The following KCNK2 variants were observed in gnomAD, a reference collection of about 807,000 sequenced individuals.
KCNK2 encodes the protein potassium channel subfamily K member 2.
In KCNK2, 21 loss-of-function variants were observed where a neutral mutation model predicts 40.5. The observed-to-expected ratio is 0.52, with a 90% CI of 0.37 to 0.75. KCNK2 has a LOEUF of 0.75. Ranked by LOEUF, KCNK2 falls within the 30% of genes least tolerant of loss-of-function variation. KCNK2 has a pLI of 0.00. For missense variants in KCNK2, 399 were observed against 531.6 expected, an observed-to-expected ratio of 0.75 and a Z score of 2.45; for synonymous variants, 191 against 202.2, an observed-to-expected ratio of 0.94 and a Z score of 0.47.
At chr1:215,092,158 T>C (rs1027996351) in intron 2 of KCNK2, among the ~76,000 whole-genome samples, 1 of 151,854 alleles carries the variant, frequency 6.6e-6, no homozygotes, top group African/African-American at 2.4e-5. Flanking sequence ...ACCTAAGAGA[T>C]TGTGAGATAC....
chr1:215,143,910 A>G (rs1343431817), intron 3 of KCNK2, among the ~76,000 whole-genome samples: 1 of 152,156 alleles, frequency 6.6e-6, no homozygotes, highest in African/African-American at 2.4e-5. Context: ...ACTTTCTACA[A>G]GTAAAAATCG....
Position 215,177,718 on chromosome 1 carries a change from ATG to A in KCNK2, c.823+5539_823+5540del, listed in dbSNP as rs1325693071. ...TTCTGCTCCACTGGCCTATATATAT[ATG>A]TGTATATATATATATATATATTTTT... On this transcript the variant is annotated intron_variant, in intron 5 of 6. Transcript: ENST00000444842. 3.5e-3 allele frequency among the ~76,000 whole-genome samples: 285 copies of A among 81,536 alleles called. 3 individuals carry two copies. Among genetic ancestry groups the A allele is most frequent in the African/African-American group, 0.011 (274 of 24,962 alleles). The allele number at this position is 81,536 out of a possible 152,430, so 53.5% of individuals were successfully genotyped here.
chr1:215,032,853 G>T (rs1401640184), intron 1 of KCNK2, among the ~76,000 whole-genome samples: 2 of 151,918 alleles, frequency 1.3e-5, no homozygotes, highest in Non-Finnish European at 2.9e-5. Context: ...ATATGCCTAG[G>T]TGTAGGTTTC....
At chr1:215,209,080 G>T (rs1470346411) in intron 6 of KCNK2, among the ~76,000 whole-genome samples, 1 of 150,962 alleles carries the variant, frequency 6.6e-6, no homozygotes, top group African/African-American at 2.4e-5. Context: ...ACCTGCCTTG[G>T]CCTCCCAAAG....
intron 6 of KCNK2, among the ~76,000 whole-genome samples, chr1:215,206,002 G>A (rs981561807): frequency 7.2e-5 from 11 of 152,110 alleles, no homozygotes; most frequent in African/African-American, 2.7e-4. Context: ...AGATTCACTA[G>A]TAGTTTTAGT....
intron 3 of KCNK2, among the ~76,000 whole-genome samples, chr1:215,139,125 G>T (rs1315576770): frequency 6.6e-6 from 1 of 152,168 alleles, no homozygotes; most frequent in Non-Finnish European, 1.5e-5. Flanking sequence ...AACAAGCAGT[G>T]TAAAGAATGT....
rs374646942 is a variant in KCNK2 at position 215,194,976 on chromosome 1, G to A, written c.847G>A (p.Asp283Asn). The change falls in exon 6 of 7, where the codon GAC becomes AAC. Residue 283 changes from aspartate to asparagine, a missense_variant. Around this residue, in one of 3 missense-constraint regions of KCNK2, gnomAD observed 17 missense variants for 53.4 expected, o/e 0.32. Transcript: ENST00000444842. The part of the protein sequence containing the change: ...VAGGSDIEYL[D>N]FYKPVVWFWI... ...AGGTGGATCCGATATTGAATATCTG[G>A]ACTTCTATAAGCCTGTCGTGTGGTT... The A allele has an allele frequency of 2.2e-5, 36 of 1,613,072 alleles. No individual in the cohort carries two copies. Among genetic ancestry groups the A allele is most frequent in the Non-Finnish European group, 2.8e-5 (33 of 1,179,534 alleles).
chr1:215,069,999 A>G (rs1248553967), intron 1 of KCNK2, among the ~76,000 whole-genome samples: 1 of 152,198 alleles, frequency 6.6e-6, no homozygotes, highest in South Asian at 2.1e-4. Context: ...CATTCAAAAA[A>G]TATTTGCATA....
chr1:215,208,357 G>C (rs139992951), intron 6 of KCNK2, among the ~76,000 whole-genome samples: 51 of 152,236 alleles, frequency 3.4e-4, no homozygotes, highest in African/African-American at 1.1e-3. Flanking sequence ...CTACCTGAAG[G>C]GGGAGGGTGG....
At chr1:215,230,447 A>T (rs1162444899) in intron 6 of KCNK2, among the ~76,000 whole-genome samples, 1 of 145,874 alleles carries the variant, frequency 6.9e-6, no homozygotes, top group African/African-American at 2.5e-5. Context: ...AGACCAAAAA[A>T]TCGTGTAGCT....
chr1:215,028,661 C>G (rs1048753594), intron 1 of KCNK2, among the ~76,000 whole-genome samples: 1 of 151,866 alleles, frequency 6.6e-6, no homozygotes, highest in African/African-American at 2.4e-5. Context: ...CATGTTTGAC[C>G]TATTATATTC....
chr1:215,080,543 A>T (rs988517712), upstream of KCNK2, among the ~76,000 whole-genome samples: 1 of 152,234 alleles, frequency 6.6e-6, no homozygotes, highest in Non-Finnish European at 1.5e-5. Flanking sequence ...ATTTAGTAGG[A>T]ATAACGATTT....
intron 1 of KCNK2, among the ~76,000 whole-genome samples, chr1:215,043,527 A>T (rs934157603): frequency 4.6e-5 from 7 of 152,240 alleles, no homozygotes; most frequent in African/African-American, 1.7e-4. Flanking sequence ...CATTACGCTA[A>T]GTGAAACAAG....
chr1:215,064,311 G>C lies in KCNK2; in HGVS notation c.35-22057G>C, dbSNP rs368891361. Among the ~76,000 whole-genome samples, 32 of 151,974 alleles carry C rather than the reference G, an allele frequency of 2.1e-4. 1 individual carries two copies. In the South Asian group the frequency reaches 6.2e-3, roughly 30 times the overall value. On this transcript the variant is annotated intron_variant, in intron 1 of 6. Coordinates refer to the KCNK2 transcript ENST00000391895. ...TTGTGCTATAATGCCTCGGGGGTGT[G>C]TGTGTGTACGTGTTTTTGTTTGTGT...
Position 215,083,427 on chromosome 1 carries a change from A to C in KCNK2, c.42A>C (p.Ala14=). 1 of 1,612,278 alleles carries C rather than the reference A, an allele frequency of 6.2e-7. No homozygotes were observed. Among genetic ancestry groups the C allele is most frequent in the Non-Finnish European group, 8.5e-7 (1 of 1,178,614 alleles). Residue 14 remains alanine (A), a synonymous_variant, in exon 1 of 7, where the codon GCA becomes GCC. Transcript: ENST00000444842. ...SASRERPGYR[A]GVAAPDLLDP... ...CGCGGGAGAGACCCGGCTATAGAGCAGGAGGTGAGACCCCCCCTCCGGTAC... is the reference window on the plus strand; with the variant it reads ...CGCGGGAGAGACCCGGCTATAGAGCCGGAGGTGAGACCCCCCCTCCGGTAC...
intron 2 of KCNK2, among the ~76,000 whole-genome samples, chr1:215,103,863 C>T (rs916714473): frequency 1.3e-5 from 2 of 151,964 alleles, no homozygotes; most frequent in African/African-American, 4.8e-5. Context: ...GTTTTATTCC[C>T]TATCGTTTTC....
intron 3 of KCNK2, among the ~76,000 whole-genome samples, chr1:215,150,483 A>T (rs969426277): frequency 5.9e-5 from 9 of 152,148 alleles, no homozygotes; most frequent in African/African-American, 1.9e-4. Flanking sequence ...AAAAATTAGT[A>T]TGCAGCATTT....
intron 2 of KCNK2, among the ~76,000 whole-genome samples, chr1:215,087,563 G>A (rs1449166470): frequency 6.6e-6 from 1 of 152,176 alleles, no homozygotes; most frequent in East Asian, 1.9e-4. Context: ...TTCTCACAAG[G>A]AGTGACTTGA....
chr1:215,106,061 G>A (rs903615810), intron 2 of KCNK2, among the ~76,000 whole-genome samples: 1 of 152,092 alleles, frequency 6.6e-6, no homozygotes, highest in African/African-American at 2.4e-5. Flanking sequence ...ATAGGTGGAT[G>A]TGTCTTTTTG....
Sources: allele counts gnomAD v4.1 joint callset (sites outside exome capture counted in the v4.1 genomes callset), GRCh38; gene constraint gnomAD v4.1.1; regional missense constraint gnomAD v4.1.1; transcripts MANE v1.5; gene names NCBI Gene and HGNC (gene_info 2026-07-23, HGNC 2026-07-21).